Variants in P2RX3 observed in about 807,000 individuals in gnomAD.
P2RX3 encodes P2X purinoceptor 3.
A neutral mutation model predicts 51.5 loss-of-function variants in P2RX3; 41 were observed. The observed-to-expected ratio is 0.80, with a 90% CI of 0.62 to 1.03. The LOEUF is 1.03. Ranked by LOEUF, P2RX3 falls within the 50% of genes least tolerant of loss-of-function variation. P2RX3 has a pLI of 0.00. For synonymous variants in P2RX3, 185 were observed against 191.6 expected (o/e 0.97, Z 0.29); for missense variants, 459 against 522.1 (o/e 0.88, Z 1.18).
intron 8 of P2RX3, among the ~76,000 whole-genome samples, chr11:57,351,314 G>A (rs1428214195): frequency 6.6e-6 from 1 of 152,138 alleles, no homozygotes; most frequent in East Asian, 1.9e-4. Context: ...GGTGATAACT[G>A]GTATCATTTT....
intron 8 of P2RX3, 22 bp from the exon 9 acceptor site, chr11:57,367,987 C>A: frequency 6.3e-7 from 1 of 1,584,232 alleles, no homozygotes; most frequent in Non-Finnish European, 8.7e-7. Context: ...CAGAGGGACC[C>A]ATCTCTGCCT....
chr11:57,355,274 T>C (rs984562549), intron 8 of P2RX3, among the ~76,000 whole-genome samples: 4 of 152,186 alleles, frequency 2.6e-5, no homozygotes, highest in Non-Finnish European at 5.9e-5. Context: ...GGAAGATGCA[T>C]GTATTCATAG....
At chr11:57,337,958 AG>A (rs1217022123), upstream of P2RX3, among the ~76,000 whole-genome samples, 1 of 152,268 alleles carries the variant, frequency 6.6e-6, no homozygotes, top group Non-Finnish European at 1.5e-5. Context: ...CAGAAGACCC[AG>A]AAAAACTTTC....
chr11:57,371,053 C>T lies in P2RX3; in HGVS notation c.*1056C>T, dbSNP rs1001382270. 2.6e-5 allele frequency among the ~76,000 whole-genome samples: 4 copies of T among 152,322 alleles called. No homozygotes were observed. Among genetic ancestry groups the T allele is most frequent in the African/African-American group, 9.6e-5 (4 of 41,572 alleles). On this transcript the variant is annotated 3_prime_UTR_variant, in exon 12 of 12. Coordinates refer to ENST00000263314, the MANE Select transcript of P2RX3 (RefSeq NM_002559.5). ...GGCCTTTTAAACCATCTTATCTAAC[C>T]CTCTTGCTTACAGATGAGCAAACTG...
chr11:57,369,437 AGGTGAGTT>A lies in P2RX3; in HGVS notation c.1080+2_1080+9del. 1 of 1,604,478 alleles carries A rather than the reference AGGTGAGTT, an allele frequency of 6.2e-7. No homozygotes were observed. Among genetic ancestry groups the A allele is most frequent in the South Asian group, 1.1e-5 (1 of 89,184 alleles). ...CAGTACAAAGCCAAGAAGTTTGAGG[AGGTGAGTT>A]GGGGAAGGGGCACCCTTGGATAAAA... On this transcript the variant is annotated splice_donor_variant and splice_donor_5th_base_variant and coding_sequence_variant and intron_variant, in exon 11 of 12. Coordinates refer to ENST00000263314, the MANE Select transcript of P2RX3 (RefSeq NM_002559.5). LOFTEE classifies it high-confidence loss of function.
intron 4 of P2RX3, 122 bp from the exon 5 acceptor site, chr11:57,348,048 T>C: frequency 1.1e-6 from 1 of 876,682 alleles, no homozygotes; most frequent in Non-Finnish European, 1.7e-6. Context: ...AGCTCCCTTT[T>C]CCCTGCCTGC....
chr11:57,360,273 CTG>C (rs1460618051), intron 8 of P2RX3, among the ~76,000 whole-genome samples: 1 of 152,172 alleles, frequency 6.6e-6, no homozygotes, highest in Non-Finnish European at 1.5e-5. Flanking sequence ...CCAAATCTAA[CTG>C]TGTTCTGCTG....
rs759357810 is a variant in P2RX3 at position 57,349,844 on chromosome 11, G to T, written c.651G>T (p.Arg217=). 2.5e-6 allele frequency: 4 copies of T among 1,614,250 alleles called. No homozygotes were observed. The highest frequency in any genetic ancestry group is 3.4e-6 in the Non-Finnish European group (4 of 1,180,046). ...PDKDPFCPIL[R]VGDVVKFAGQ... ...AGGACCCTTTCTGCCCCATCTTGCGGGTAGGGGACGTGGTCAAGTTTGCGG... is the reference window on the plus strand; with the variant it reads ...AGGACCCTTTCTGCCCCATCTTGCGTGTAGGGGACGTGGTCAAGTTTGCGG... Residue 217 remains arginine (R), a synonymous_variant, in exon 7 of 12, where the codon CGG becomes CGT. Transcript: ENST00000263314.
At position 57,347,114 on chromosome 11, in the gene P2RX3, A is replaced by G; in HGVS notation, c.256-2A>G. The G allele has an allele frequency of 6.2e-7, 1 of 1,613,478 alleles. No individual in the cohort carries two copies. Among genetic ancestry groups the G allele is most frequent in the Non-Finnish European group, 8.5e-7 (1 of 1,179,748 alleles). ...TTTTCTCTCCCTTCTTCTCCTCCCA[A>G]GGGCACCTCGGTCTTTGTCATCATC... On this transcript the variant is annotated splice_acceptor_variant, in intron 2 of 11. Coordinates refer to ENST00000263314, the MANE Select transcript of P2RX3 (RefSeq NM_002559.5). LOFTEE classifies it high-confidence loss of function.
Position 57,349,857 on chromosome 11 carries a change from G to C in P2RX3, c.664G>C (p.Val222Leu), listed in dbSNP as rs1856512185. ...FCPILRVGDVVKFAGQDFAKL... is the reference protein window; with the variant it reads ...FCPILRVGDVLKFAGQDFAKL... ...CCCCATCTTGCGGGTAGGGGACGTG[G>C]TCAAGTTTGCGGGGCAGGATTTTGC... The change falls in exon 7 of 12, where the codon GTC becomes CTC. Residue 222 changes from valine to leucine, a missense_variant. Coordinates refer to ENST00000263314, the MANE Select transcript of P2RX3 (RefSeq NM_002559.5). The C allele has an allele frequency of 6.2e-7, 1 of 1,614,222 alleles. No homozygotes were observed. The highest frequency in any genetic ancestry group is 1.7e-5 in the Admixed American group (1 of 60,034).
chr11:57,366,170 T>C (rs567344030), intron 8 of P2RX3, among the ~76,000 whole-genome samples: 1 of 152,310 alleles, frequency 6.6e-6, no homozygotes, highest in South Asian at 2.1e-4. Flanking sequence ...GATGACACTT[T>C]CCTAATGTTA....
intron 8 of P2RX3, among the ~76,000 whole-genome samples, chr11:57,358,219 G>A (rs747208662): frequency 6.6e-6 from 1 of 152,188 alleles, no homozygotes; most frequent in Non-Finnish European, 1.5e-5. Flanking sequence ...CTAAATTTGG[G>A]CTGCTCCTAC....
rs1217941751 is a variant in P2RX3, at chr11:57,346,610, C to A, written c.186C>A (p.Thr62=). The change falls in exon 2 of 12, where the codon ACC becomes ACA. Residue 62 remains threonine, a synonymous_variant. Coordinates refer to ENST00000263314, the MANE Select transcript of P2RX3 (RefSeq NM_002559.5). ...CAGCCATTGAGTCCTCGGTGGTAAC[C>A]AAGGTGAAGGGCTCCGGACTCTACG... ...RDTAIESSVV[T]KVKGSGLYAN... 1.2e-6 allele frequency: 2 copies of A among 1,614,064 alleles called. No individual in the cohort carries two copies. The highest frequency in any genetic ancestry group is 1.3e-5 in the African/African-American group (1 of 74,922).
chr11:57,348,326 G>A, intron 5 of P2RX3, 63 bp downstream of exon 5: 1 of 1,410,860 alleles, frequency 7.1e-7, no homozygotes, highest in Non-Finnish European at 9.7e-7. Context: ...TGCCCATGTG[G>A]GAGCCGTGCG....
intron 1 of P2RX3, among the ~76,000 whole-genome samples, chr11:57,344,866 A>G (rs945518096): frequency 1.3e-5 from 2 of 151,472 alleles, no homozygotes; most frequent in Non-Finnish European, 2.9e-5. Context: ...TGCAGTAAAT[A>G]GGATTGTGGT....
chr11:57,372,265 C>T lies in P2RX3; in HGVS notation c.*2268C>T, dbSNP rs147251107. 4.6e-4 allele frequency among the ~76,000 whole-genome samples: 70 copies of T among 152,320 alleles called. No homozygotes were observed. The highest frequency in any genetic ancestry group is 1.6e-3 in the African/African-American group (68 of 41,582). ...CTACATTGCCTCTTTAATCATTCAA[C>T]ATAAAAGCCAACACTGATTACTTAC... On this transcript the variant is annotated 3_prime_UTR_variant, in exon 12 of 12. Coordinates refer to ENST00000263314, the MANE Select transcript of P2RX3 (RefSeq NM_002559.5).
At position 57,370,036 on chromosome 11, in the gene P2RX3, G is replaced by A. The variant is rs917167000; in HGVS notation, c.*39G>A. The A allele has an allele frequency of 6.9e-7, 1 of 1,450,516 alleles. No individual in the cohort carries two copies. 89.9% of individuals were successfully genotyped at this position (1,450,516 alleles called of 1,614,324 possible). On this transcript the variant is annotated 3_prime_UTR_variant, in exon 12 of 12. Coordinates refer to ENST00000263314, the MANE Select transcript of P2RX3 (RefSeq NM_002559.5). ...GGCCCCACACTCACAAAGGCTCCAGGCCTCCCCACAGAGGACCCTGCCTGA... is the reference window on the plus strand; with the variant it reads ...GGCCCCACACTCACAAAGGCTCCAGACCTCCCCACAGAGGACCCTGCCTGA...
chr11:57,368,351 C>CACACAGG, intron 9 of P2RX3, 21 bp from the exon 10 acceptor site: 1 of 1,614,032 alleles, frequency 6.2e-7, no homozygotes, highest in Middle Eastern at 1.6e-4. Flanking sequence ...TGCCCACTTG[C>CACACAGG]CTTGGTCTTT....
Position 57,348,400 on chromosome 11 carries a change from G to A in P2RX3, c.485+137G>A, listed in dbSNP as rs985078939. 3.5e-6 allele frequency: 3 copies of A among 868,490 alleles called. No homozygotes were observed. The Admixed American group carries it at 8.2e-5, about 24-fold the overall frequency. The allele number at this position is 868,490 out of a possible 1,614,324, so 53.8% of individuals were successfully genotyped here. A position where few individuals can be genotyped will look rare whatever the true frequency, so the allele number is the denominator to read the frequency against. On this transcript the variant is annotated intron_variant, in intron 5 of 11. Transcript: ENST00000263314. Reference sequence around the variant, plus strand: ...TTGTCCCTTCCTGGTGTGGGGGGTGGCCTCAGGCCCAGGGTATCATCTTCC... The same window carrying A: ...TTGTCCCTTCCTGGTGTGGGGGGTGACCTCAGGCCCAGGGTATCATCTTCC...
Sources: allele counts gnomAD v4.1 joint callset (sites outside exome capture counted in the v4.1 genomes callset), GRCh38; gene constraint gnomAD v4.1.1; transcripts MANE v1.5; gene names NCBI Gene and HGNC (gene_info 2026-07-23, HGNC 2026-07-21).